The following IPO5 variants were observed in gnomAD, a reference collection of about 807,000 sequenced individuals.
IPO5 encodes the protein importin-5.
In IPO5, 18 loss-of-function variants were observed where a neutral mutation model predicts 143.3. The observed-to-expected ratio is 0.13, with a 90% CI of 0.09 to 0.19. IPO5 has a LOEUF of 0.19. IPO5 is among the 10% of genes least tolerant of loss of function. IPO5 has a pLI of 1.00. For missense variants in IPO5, 1,013 were observed against 1,336.9 expected (o/e 0.76, Z 3.78); for synonymous variants, 477 against 465.7 (o/e 1.02, Z -0.31).
intron 18 of IPO5, among the ~76,000 whole-genome samples, 196 bp downstream of exon 18, chr13:98,008,338 C>T (rs1404918566): frequency 6.6e-6 from 1 of 152,186 alleles, no homozygotes; most frequent in Non-Finnish European, 1.5e-5. Context: ...CTCTTGCTTT[C>T]TGTGACTCTC....
chr13:97,984,039 C>T lies in IPO5; in HGVS notation c.172-1382C>T, dbSNP rs368208877. 9.8e-5 allele frequency among the ~76,000 whole-genome samples: 11 copies of T among 112,420 alleles called. 1 individual carries two copies. The highest frequency in any genetic ancestry group is 2.1e-4 in the African/African-American group (6 of 28,856). The allele number at this position is 112,420 out of a possible 152,430, so 73.8% of individuals were successfully genotyped here. A position where few individuals can be genotyped will look rare whatever the true frequency, so the allele number is the denominator to read the frequency against. On this transcript the variant is annotated intron_variant, in intron 5 of 28. Transcript: ENST00000651721. ...TGTCGCCCAGGCTGGAGTGCAGTGG[C>T]GGGATCTCGGCTCACTGCAAGCTCC...
At chr13:97,970,908 T>C (rs78049924) in intron 3 of IPO5, among the ~76,000 whole-genome samples, 1,637 of 152,338 alleles carry the variant, frequency 0.011, 37 homozygotes, top group East Asian at 0.076. Context: ...GAGGTTGCAA[T>C]CTGTATTAGC....
chr13:98,021,737 C>A lies in IPO5; in HGVS notation c.3209C>A (p.Thr1070Asn). ...CTGTGAAAATGTTTCTTTCCCTAGA[C>A]TTCTGGAGGACTGTGGACTGAGTGC... ...RLANVVRQVQ[T>N]SGGLWTECIA... The change falls in exon 29 of 29, where the codon ACT becomes AAT. Residue 1070 changes from threonine to asparagine, a missense_variant and splice_region_variant. Thr to Asn is a moderately conservative substitution (Grantham distance 65). This residue lies in a region of IPO5 where 685 missense variants were observed against 994.9 expected (regional missense o/e 0.69). Coordinates refer to ENST00000651721, the MANE Select transcript of IPO5 (RefSeq NM_002271.6). The A allele has an allele frequency of 1.3e-6, 2 of 1,535,490 alleles. No individual in the cohort carries two copies. Among genetic ancestry groups the A allele is most frequent in the Admixed American group, 1.8e-5 (1 of 54,282 alleles).
At chr13:97,988,412 A>G (rs1887551812) in intron 6 of IPO5, among the ~76,000 whole-genome samples, 1 of 152,154 alleles carries the variant, frequency 6.6e-6, no homozygotes, top group Non-Finnish European at 1.5e-5. Flanking sequence ...TTTAATAGCA[A>G]TGGTATATAT....
At chr13:97,991,264 C>T (rs1233286168) in intron 9 of IPO5, among the ~76,000 whole-genome samples, 4 of 151,952 alleles carry the variant, frequency 2.6e-5, no homozygotes, top group South Asian at 4.1e-4. Context: ...TGCAAAGAAA[C>T]GTATAATAAA....
intron 2 of IPO5, 66 bp from the exon 3 acceptor site, chr13:97,969,657 T>G (rs753113016): frequency 6.0e-5 from 44 of 730,336 alleles, no homozygotes; most frequent in Non-Finnish European, 9.9e-5. Context: ...GATGTGATTT[T>G]TAAGAATATC....
chr13:98,008,612 C>A (rs542414621), intron 18 of IPO5, among the ~76,000 whole-genome samples: 2 of 152,274 alleles, frequency 1.3e-5, no homozygotes, highest in South Asian at 4.1e-4. Flanking sequence ...TCTCCGCCAA[C>A]GAACAGACAA....
intron 3 of IPO5, among the ~76,000 whole-genome samples, chr13:97,970,957 C>T (rs961709488): frequency 2.0e-5 from 3 of 152,160 alleles, no homozygotes; most frequent in Non-Finnish European, 2.9e-5. Flanking sequence ...ACTCTGTGCC[C>T]GGCACTACTG....
At chr13:97,977,802 T>C (rs1453903212) in intron 4 of IPO5, among the ~76,000 whole-genome samples, 7 of 152,182 alleles carry the variant, frequency 4.6e-5, no homozygotes, top group Admixed American at 4.6e-4. Flanking sequence ...CCAAACTTGG[T>C]TATATATGGG....
chr13:97,957,232 T>C (rs1351435133), intron 2 of IPO5, among the ~76,000 whole-genome samples: 1 of 152,074 alleles, frequency 6.6e-6, no homozygotes, highest in Non-Finnish European at 1.5e-5. Flanking sequence ...GAGTCTCATT[T>C]TGTTGCCCAG....
chr13:97,971,073 A>G (rs747628511), intron 3 of IPO5, among the ~76,000 whole-genome samples: 1 of 152,256 alleles, frequency 6.6e-6, no homozygotes, highest in Non-Finnish European at 1.5e-5. Context: ...CACAGCATGT[A>G]GGCTGTGAAG....
In IPO5 at chr13:98,002,455, T is replaced by C. The variant is rs370845095; in HGVS notation, c.1109-12T>C. The C allele has an allele frequency of 6.2e-7, 1 of 1,613,454 alleles. No homozygotes were observed. Among genetic ancestry groups the C allele is most frequent in the South Asian group, 1.1e-5 (1 of 90,914 alleles). ...GTGTAATTGCTATTCCATCTGTAATTTTTTTCGGTAGCTGACTGGAAATAC... is the reference window on the plus strand; with the variant it reads ...GTGTAATTGCTATTCCATCTGTAATCTTTTTCGGTAGCTGACTGGAAATAC... On this transcript the variant is annotated splice_polypyrimidine_tract_variant and intron_variant, in intron 13 of 28. Coordinates refer to ENST00000651721, the MANE Select transcript of IPO5 (RefSeq NM_002271.6).
intron 2 of IPO5, among the ~76,000 whole-genome samples, chr13:97,962,542 C>G (rs939944669): frequency 6.6e-6 from 1 of 152,056 alleles, no homozygotes; most frequent in African/African-American, 2.4e-5. Context: ...GATGGATGGG[C>G]ACAGTGGCTC....
intron 17 of IPO5, 152 bp from the exon 18 acceptor site, chr13:98,007,907 C>A (rs1209617871): frequency 8.7e-6 from 5 of 574,402 alleles, no homozygotes; most frequent in African/African-American, 1.9e-5. Flanking sequence ...AAATCTGTCA[C>A]AATATAGATG....
chr13:98,016,965 A>G, intron 25 of IPO5, 114 bp downstream of exon 25: 4 of 749,960 alleles, frequency 5.3e-6, no homozygotes, highest in Non-Finnish European at 8.2e-6. Context: ...GATTGTTTCC[A>G]TTGTACATCT....
Position 98,003,003 on chromosome 13 carries a change from A to G in IPO5, c.1463A>G (p.His488Arg), listed in dbSNP as rs755870804. The change falls in exon 16 of 29, where the codon CAT becomes CGT. Residue 488 changes from histidine (H) to arginine (R), a missense_variant. His to Arg is a conservative substitution (Grantham distance 29). Transcript: ENST00000651721. ...LIPYLDNLVK[H>R]LHSIMVLKLQ... ...CCATACTTGGATAATTTGGTGAAAC[A>G]TCTGCATTCCATTATGGTACTGAAG... is the stretch of plus-strand genomic sequence containing the variant. 1.9e-6 allele frequency: 3 copies of G among 1,613,580 alleles called. No individual in the cohort carries two copies. Among genetic ancestry groups the G allele is most frequent in the East Asian group, 2.2e-5 (1 of 44,888 alleles).
At chr13:97,993,346 A>G (rs1482729363) in intron 11 of IPO5, 121 bp downstream of exon 11, 7 of 864,996 alleles carry the variant, frequency 8.1e-6, no homozygotes, top group South Asian at 3.4e-5. Context: ...TTAGAATCAG[A>G]TGAATTTGGG....
At chr13:97,979,374 C>T (rs1465440801) in intron 4 of IPO5, among the ~76,000 whole-genome samples, 1 of 152,056 alleles carries the variant, frequency 6.6e-6, no homozygotes, top group African/African-American at 2.4e-5. Flanking sequence ...AAACTTTTTT[C>T]GTCGTATATG....
intron 2 of IPO5, among the ~76,000 whole-genome samples, chr13:97,965,294 A>C (rs1055071864): frequency 3.3e-5 from 5 of 152,304 alleles, no homozygotes; most frequent in Non-Finnish European, 5.9e-5. Flanking sequence ...CCACCATGGC[A>C]CATGTATACC....
Sources: allele counts gnomAD v4.1 joint callset (sites outside exome capture counted in the v4.1 genomes callset), GRCh38; gene constraint gnomAD v4.1.1; regional missense constraint gnomAD v4.1.1; transcripts MANE v1.5; gene names NCBI Gene and HGNC (gene_info 2026-07-23, HGNC 2026-07-21).